The following AFF4 variants were observed in gnomAD, a reference collection of about 807,000 sequenced individuals.
AFF4 encodes AF4/FMR2 family member 4.
In AFF4, 13 loss-of-function variants were observed where a neutral mutation model predicts 124.8. That is an observed-to-expected ratio of 0.10 (90% CI 0.07 to 0.17). The LOEUF (loss-of-function observed/expected upper bound fraction) is 0.17. Ranked by LOEUF, AFF4 falls within the 10% of genes least tolerant of loss-of-function variation. The pLI is 1.00. For missense variants in AFF4, 1,092 were observed against 1,403.8 expected (o/e 0.78, Z 3.55); for synonymous variants, 477 against 496.1 (o/e 0.96, Z 0.51).
chr5:132,916,567 A>C (rs1399833403), intron 5 of AFF4, among the ~76,000 whole-genome samples: 1 of 152,062 alleles, frequency 6.6e-6, no homozygotes, highest in East Asian at 1.9e-4. Context: ...TGATCTTAAT[A>C]CTTCAGCCCA....
chr5:132,912,640 T>C (rs1760818654), intron 5 of AFF4, among the ~76,000 whole-genome samples: 1 of 152,082 alleles, frequency 6.6e-6, no homozygotes, highest in Non-Finnish European at 1.5e-5. Flanking sequence ...GGATTATAGG[T>C]GTGAGCCATT....
Position 132,897,313 on chromosome 5 carries a change from CAAAG to C in AFF4, c.1390-77_1390-74del, listed in dbSNP as rs1406975724. The C allele has an allele frequency of 6.0e-6, 9 of 1,499,200 alleles. No homozygotes were observed. In the African/African-American group the frequency reaches 1.3e-4, roughly 21 times the overall value. 92.9% of individuals were successfully genotyped at this position (1,499,200 alleles called of 1,614,324 possible). A position where few individuals can be genotyped will look rare whatever the true frequency, so the allele number is the denominator to read the frequency against. On this transcript the variant is annotated intron_variant, in intron 10 of 20. Transcript: ENST00000265343. ...TTTCGTTCTCCCTCCTTTACAACCT[CAAAG>C]AAGAGGAAAAACCACAATGCCTAAT...
At chr5:132,959,824 G>A (rs891973933) in intron 1 of AFF4, among the ~76,000 whole-genome samples, 3 of 140,998 alleles carry the variant, frequency 2.1e-5, no homozygotes, top group Non-Finnish European at 3.0e-5. Flanking sequence ...GAGTGCAGTG[G>A]TGCGATCTCG....
rs1759963334 is a variant in AFF4 at position 132,881,023 on chromosome 5, G to A, written c.*36C>T. On this transcript the variant is annotated 3_prime_UTR_variant, in exon 21 of 21. Coordinates refer to ENST00000265343, the MANE Select transcript of AFF4 (RefSeq NM_014423.4). ...TTCCTTCGTGATGTGACACAGTGTT[G>A]TGGAGAAAATCAGAGGCAACGAGAA... 6.2e-7 allele frequency: 1 copy of A among 1,606,420 alleles called. No individual in the cohort carries two copies. Among genetic ancestry groups the A allele is most frequent in the Non-Finnish European group, 8.5e-7 (1 of 1,176,916 alleles).
intron 18 of AFF4, 98 bp from the exon 19 acceptor site, chr5:132,885,217 G>C (rs1760083662): frequency 3.5e-6 from 3 of 856,020 alleles, no homozygotes; most frequent in South Asian, 3.6e-5. Context: ...AGCTCATCGT[G>C]AGCAGCTGTA....
rs1442864158 is a variant in AFF4 at position 132,934,133 on chromosome 5, A to T, written c.918+14T>A. The stretch of plus-strand genomic sequence containing the variant: ...CGTAGTCACAATGTTAAAAGCTCTA[A>T]ATGTGTGACTTACATCCAGTGGTTG... On this transcript the variant is annotated intron_variant, in intron 3 of 20. Coordinates refer to ENST00000265343, the MANE Select transcript of AFF4 (RefSeq NM_014423.4). The T allele has an allele frequency of 6.2e-6, 10 of 1,604,936 alleles. No individual in the cohort carries two copies. Among genetic ancestry groups the T allele is most frequent in the Non-Finnish European group, 8.5e-6 (10 of 1,174,490 alleles).
rs1051296554 is a variant in AFF4 at position 132,956,812 on chromosome 5, G to A, written c.-5+6447C>T. The stretch of plus-strand genomic sequence containing the variant: ...TGAGGCAGGCAGATCATGAGGTCAG[G>A]AGTTCAAGACCAGCCTGACCAACAT... On this transcript the variant is annotated intron_variant, in intron 1 of 20. Coordinates refer to ENST00000265343, the MANE Select transcript of AFF4 (RefSeq NM_014423.4). Among the ~76,000 whole-genome samples, 7 of 149,308 alleles carry A rather than the reference G, an allele frequency of 4.7e-5. No individual in the cohort carries two copies. In the South Asian group the frequency reaches 6.4e-4, roughly 14 times the overall value.
Position 132,918,972 on chromosome 5 carries a change from C to T in AFF4, c.1050+8149G>A, listed in dbSNP as rs565882184. ...TGGCATCATCTTAGCTGACTGCAAC[C>T]TCTGCCTCCCAGAGACTCCTGCCTC... is the stretch of plus-strand genomic sequence containing the variant. On this transcript the variant is annotated intron_variant, in intron 5 of 20. Transcript: ENST00000265343. 7.2e-5 allele frequency among the ~76,000 whole-genome samples: 11 copies of T among 151,926 alleles called. No individual in the cohort carries two copies. In the South Asian group the frequency reaches 2.1e-3, roughly 29 times the overall value.
chr5:132,894,547 A>G (rs1194173383), intron 11 of AFF4, among the ~76,000 whole-genome samples: 1 of 152,230 alleles, frequency 6.6e-6, no homozygotes, highest in Non-Finnish European at 1.5e-5. Flanking sequence ...AAGACAGACA[A>G]ATGAAAACAT....
intron 1 of AFF4, among the ~76,000 whole-genome samples, chr5:132,957,914 T>C (rs148115646): frequency 4.5e-4 from 69 of 152,054 alleles, no homozygotes; most frequent in African/African-American, 1.4e-3. Flanking sequence ...AATAAAAAGA[T>C]AGAGGAAAAC....
Position 132,949,067 on chromosome 5 carries a change from A to T in AFF4, c.-4-11874T>A, listed in dbSNP as rs755298009. On this transcript the variant is annotated intron_variant, in intron 1 of 20. Transcript: ENST00000265343. ...AAGATGGCTCTTGCCTTATCAAAAC[A>T]TGGGACTCAGTGACGGGTCTAAAAA... 2.6e-5 allele frequency among the ~76,000 whole-genome samples: 4 copies of T among 152,192 alleles called. No homozygotes were observed. The South Asian group carries it at 8.3e-4, about 32-fold the overall frequency.
chr5:132,887,476 T>C (rs776775980), intron 17 of AFF4, 45 bp downstream of exon 17: 3 of 1,521,190 alleles, frequency 2.0e-6, no homozygotes, highest in Admixed American at 3.4e-5. Context: ...CTATTTATTA[T>C]AGAACTTCCT....
At chr5:132,959,418 C>G (rs1214607319) in intron 1 of AFF4, among the ~76,000 whole-genome samples, 2 of 152,018 alleles carry the variant, frequency 1.3e-5, no homozygotes, top group African/African-American at 4.8e-5. Flanking sequence ...CCGGGCCCGG[C>G]AAGGTTACAG....
At chr5:132,941,079 T>C (rs1761558009) in intron 1 of AFF4, among the ~76,000 whole-genome samples, 1 of 152,028 alleles carries the variant, frequency 6.6e-6, no homozygotes, top group African/African-American at 2.4e-5. Context: ...ATAGTGCTTA[T>C]TCTCTATTTT....
rs772616197 is a variant in AFF4, at chr5:132,896,339, C to T, written c.2291G>A (p.Gly764Asp). The change falls in exon 11 of 21, where the codon GGC becomes GAC. Residue 764 changes from glycine (G) to aspartate (D), a missense_variant. This residue lies in a region of AFF4 where 293 missense variants were observed against 280.2 expected (regional missense o/e 1.05). Transcript: ENST00000265343. ...TTCACAAACCTTATGCTTCCTCTTGCCTTTGTTGGAAACTTTTTCTGAGGC... is the reference window on the plus strand; with the variant it reads ...TTCACAAACCTTATGCTTCCTCTTGTCTTTGTTGGAAACTTTTTCTGAGGC... Reference protein sequence around the residue: ...KQASEKVSNKGKRKHKNEDDN... With the variant: ...KQASEKVSNKDKRKHKNEDDN... The T allele has an allele frequency of 6.3e-7, 1 of 1,594,044 alleles. No homozygotes were observed. Among genetic ancestry groups the T allele is most frequent in the South Asian group, 1.1e-5 (1 of 86,986 alleles).
chr5:132,885,140 A>G (rs1437729654), intron 18 of AFF4, 21 bp from the exon 19 acceptor site: 1 of 1,572,388 alleles, frequency 6.4e-7, no homozygotes, highest in African/African-American at 1.4e-5. Flanking sequence ...AGTAAAATGT[A>G]CTTAACAACA....
At chr5:132,959,347 C>G (rs1762030041) in intron 1 of AFF4, among the ~76,000 whole-genome samples, 1 of 152,064 alleles carries the variant, frequency 6.6e-6, no homozygotes, top group Non-Finnish European at 1.5e-5. Flanking sequence ...GTCTTGATCT[C>G]TCGACCTCGT....
intron 5 of AFF4, among the ~76,000 whole-genome samples, chr5:132,917,250 A>G (rs1234608109): frequency 1.3e-5 from 2 of 151,062 alleles, no homozygotes; most frequent in South Asian, 4.2e-4. Context: ...CCATATTAAT[A>G]CAAATCAAAA....
At chr5:132,905,322 T>C (rs1437324463) in intron 5 of AFF4, among the ~76,000 whole-genome samples, 3 of 152,234 alleles carry the variant, frequency 2.0e-5, no homozygotes, top group Admixed American at 6.5e-5. Flanking sequence ...CTGTTCCATA[T>C]GTGCAAACTA....
Sources: gnomAD v4.1 joint callset for allele counts (sites outside exome capture counted in the v4.1 genomes callset) on GRCh38, gnomAD v4.1.1 for gene constraint, gnomAD v4.1.1 regional missense constraint, MANE v1.5 for transcripts, NCBI Gene and HGNC (gene_info 2026-07-23, HGNC 2026-07-21) for gene names.